TMEM108: variants seen among roughly 807,000 people sequenced by gnomAD.
TMEM108 encodes transmembrane protein 108.
Under a neutral mutation model 35.1 loss-of-function variants are expected in TMEM108, and 12 were observed. That is an observed-to-expected ratio of 0.34 (90% CI 0.22 to 0.55). TMEM108 has a LOEUF of 0.55. Ranked by LOEUF, TMEM108 falls within the 20% of genes least tolerant of loss-of-function variation. TMEM108 has a pLI of 0.89. For synonymous variants in TMEM108, 287 were observed against 308.6 expected (o/e 0.93, Z 0.73); for missense variants, 680 against 753.3 (o/e 0.90, Z 1.14).
At chr3:133,372,856 C>G (rs1289860908) in intron 3 of TMEM108, among the ~76,000 whole-genome samples, 1 of 152,182 alleles carries the variant, frequency 6.6e-6, no homozygotes, top group Non-Finnish European at 1.5e-5. Flanking sequence ...GATTTGCACT[C>G]AAAACTCCTT....
intron 2 of TMEM108, among the ~76,000 whole-genome samples, chr3:133,179,575 T>A (rs369079034): frequency 2.0e-5 from 3 of 150,462 alleles, no homozygotes; most frequent in East Asian, 2.0e-4. Context: ...CAAACACCAC[T>A]TGTTCTCACT....
At chr3:133,211,824 T>C (rs1481130229) in intron 2 of TMEM108, among the ~76,000 whole-genome samples, 3 of 152,220 alleles carry the variant, frequency 2.0e-5, no homozygotes, top group Non-Finnish European at 2.9e-5. Context: ...TCACATTAAT[T>C]GATTCCCTTT....
intron 2 of TMEM108, among the ~76,000 whole-genome samples, chr3:133,211,770 T>C (rs945993656): frequency 1.1e-4 from 16 of 152,296 alleles, no homozygotes; most frequent in African/African-American, 3.4e-4. Context: ...GCAGCCTTTC[T>C]TGAGGAGCAC....
chr3:133,340,161 GTT>G (rs77125723), intron 3 of TMEM108, among the ~76,000 whole-genome samples: 4 of 149,584 alleles, frequency 2.7e-5, no homozygotes, highest in Admixed American at 1.3e-4. Context: ...ACAAAAAGTT[GTT>G]TTTTTTTGAA....
chr3:133,311,474 C>T (rs926755038), intron 3 of TMEM108, among the ~76,000 whole-genome samples: 1 of 152,194 alleles, frequency 6.6e-6, no homozygotes, highest in Non-Finnish European at 1.5e-5. Flanking sequence ...TCCTCCATCA[C>T]TGATACCCTT....
intron 3 of TMEM108, among the ~76,000 whole-genome samples, chr3:133,267,403 C>T (rs1192563600): frequency 6.6e-6 from 1 of 152,114 alleles, no homozygotes; most frequent in African/African-American, 2.4e-5. Flanking sequence ...ATTAAGGCTT[C>T]CTGGAGAAAG....
intron 3 of TMEM108, among the ~76,000 whole-genome samples, chr3:133,317,966 C>G (rs17298063): frequency 0.32 from 48,824 of 152,042 alleles, 8,576 homozygotes; most frequent in East Asian, 0.48. Flanking sequence ...GAGAAAAATT[C>G]AGCCAGTAGT....
chr3:133,220,447 T>C (rs1010055539), intron 2 of TMEM108, among the ~76,000 whole-genome samples: 3 of 152,172 alleles, frequency 2.0e-5, no homozygotes, highest in African/African-American at 7.2e-5. Context: ...CAGCTTATGT[T>C]TCTTGATTTG....
chr3:133,297,822 G>A (rs945086555), intron 3 of TMEM108, among the ~76,000 whole-genome samples: 2 of 152,210 alleles, frequency 1.3e-5, no homozygotes, highest in South Asian at 2.1e-4. Flanking sequence ...CCCTCCAGGC[G>A]AAAGCTGATA....
At chr3:133,297,689 C>T (rs1244816960) in intron 3 of TMEM108, among the ~76,000 whole-genome samples, 1 of 152,190 alleles carries the variant, frequency 6.6e-6, no homozygotes, top group Non-Finnish European at 1.5e-5. Flanking sequence ...CTGAGGCAAT[C>T]TCTGAGGTTT....
Position 133,302,194 on chromosome 3 carries a change from C to T in TMEM108, c.40+72843C>T, listed in dbSNP as rs148642376. 2.2e-3 allele frequency among the ~76,000 whole-genome samples: 339 copies of T among 152,206 alleles called. 6 individuals carry two copies. Among genetic ancestry groups the T allele is most frequent in the East Asian group, 0.011 (56 of 5,180 alleles). On this transcript the variant is annotated intron_variant, in intron 3 of 5. Coordinates refer to ENST00000321871, the MANE Select transcript of TMEM108 (RefSeq NM_023943.4). ...TGTCTGAAGCTTGGAATTGTGATGC[C>T]GTGCATCTCACTGCTCATTTTCTTG... is the stretch of plus-strand genomic sequence containing the variant.
At chr3:133,049,379 T>G (rs1279372076) in intron 2 of TMEM108, among the ~76,000 whole-genome samples, 1 of 152,224 alleles carries the variant, frequency 6.6e-6, no homozygotes, top group African/African-American at 2.4e-5. Flanking sequence ...GCTACCATAT[T>G]GGACATTGCA....
intron 2 of TMEM108, chr3:133,120,870 C>T (rs1944343880): frequency 6.6e-6 from 1 of 152,258 alleles, no homozygotes; most frequent in South Asian, 2.1e-4. Context: ...TTATTATTCC[C>T]ATTTTACAGG....
chr3:133,364,391 C>T lies in TMEM108; in HGVS notation c.41-15361C>T, dbSNP rs1026630398. ...AAATGAGTGAGAAGAAGGTGAAGCACTGACAAGGGATTTGTCAAACATGTT... is the reference window on the plus strand; with the variant it reads ...AAATGAGTGAGAAGAAGGTGAAGCATTGACAAGGGATTTGTCAAACATGTT... On this transcript the variant is annotated intron_variant, in intron 3 of 5. Coordinates refer to ENST00000321871, the MANE Select transcript of TMEM108 (RefSeq NM_023943.4). Among the ~76,000 whole-genome samples the T allele has an allele frequency of 2.0e-5, 3 of 152,212 alleles. No homozygotes were observed. In the East Asian group the frequency reaches 5.8e-4, roughly 29 times the overall value.
intron 2 of TMEM108, among the ~76,000 whole-genome samples, chr3:133,100,412 C>A (rs1944072407): frequency 6.6e-6 from 1 of 152,096 alleles, no homozygotes. Context: ...CCAGCTCTGG[C>A]AATATGGTGA....
chr3:133,311,070 T>A (rs1405218839), intron 3 of TMEM108, among the ~76,000 whole-genome samples: 1 of 152,246 alleles, frequency 6.6e-6, no homozygotes, highest in Non-Finnish European at 1.5e-5. Flanking sequence ...TTCTGGCTTG[T>A]AGGGCTTCTG....
chr3:133,386,587 C>T, intron 4 of TMEM108: 2 of 1,462,788 alleles, frequency 1.4e-6, no homozygotes, highest in Non-Finnish European at 9.0e-7. Flanking sequence ...TAATTCCCAA[C>T]TCTGTTTTAA....
At chr3:133,271,980 T>C (rs963051678) in intron 3 of TMEM108, among the ~76,000 whole-genome samples, 1 of 152,156 alleles carries the variant, frequency 6.6e-6, no homozygotes, top group South Asian at 2.1e-4. Flanking sequence ...ATTGACAAAA[T>C]TAATGAATCA....
At chr3:133,201,694 C>G (rs1053954225) in intron 2 of TMEM108, among the ~76,000 whole-genome samples, 2 of 152,114 alleles carry the variant, frequency 1.3e-5, no homozygotes. Context: ...TTTATCTAGT[C>G]TATCATTGAT....
Sources: gnomAD v4.1 joint callset for allele counts (sites outside exome capture counted in the v4.1 genomes callset) on GRCh38, gnomAD v4.1.1 for gene constraint, MANE v1.5 for transcripts, NCBI Gene and HGNC (gene_info 2026-07-23, HGNC 2026-07-21) for gene names.